CACNA2D1: variants seen among roughly 807,000 people sequenced by gnomAD.
CACNA2D1 encodes the protein voltage-dependent calcium channel subunit alpha-2/delta-1.
In CACNA2D1, 53 loss-of-function variants were observed where a neutral mutation model predicts 171.5. The observed-to-expected ratio is 0.31, with a 90% CI of 0.25 to 0.39. The LOEUF is 0.39. Among genes scored for constraint, CACNA2D1 ranks in the 10% least tolerant of loss-of-function variants. The probability of loss-of-function intolerance (pLI) is 1.00; values close to 1 mark genes in which losing one functional copy is unlikely to be tolerated. For missense variants in CACNA2D1, 903 were observed against 1,299.8 expected, an observed-to-expected ratio of 0.69 and a Z score of 4.69; for synonymous variants, 442 against 443.1, an observed-to-expected ratio of 1.00 and a Z score of 0.03.
chr7:82,107,935 T>A (rs987683130), intron 6 of CACNA2D1, among the ~76,000 whole-genome samples: 1 of 152,152 alleles, frequency 6.6e-6, no homozygotes, highest in African/African-American at 2.4e-5. Flanking sequence ...TGTCTAAAGG[T>A]AATCTAGATC....
chr7:82,219,947 T>C (rs1801566773), intron 3 of CACNA2D1, among the ~76,000 whole-genome samples: 1 of 152,178 alleles, frequency 6.6e-6, no homozygotes, highest in Non-Finnish European at 1.5e-5. Flanking sequence ...AGAATCTTTA[T>C]AAAATTATTA....
intron 1 of CACNA2D1, among the ~76,000 whole-genome samples, chr7:82,403,614 G>T (rs1172050928): frequency 6.6e-6 from 1 of 152,150 alleles, no homozygotes; most frequent in Non-Finnish European, 1.5e-5. Flanking sequence ...CTGAACAATA[G>T]TGCTAGGCAT....
chr7:82,375,634 A>AT (rs944669479), intron 1 of CACNA2D1, among the ~76,000 whole-genome samples: 8 of 152,212 alleles, frequency 5.3e-5, no homozygotes, highest in East Asian at 3.9e-4. Flanking sequence ...ACAATTCTGT[A>AT]TTTTTTTATT....
At chr7:81,963,409 G>A (rs981043385) in intron 34 of CACNA2D1, among the ~76,000 whole-genome samples, 1 of 151,814 alleles carries the variant, frequency 6.6e-6, no homozygotes, top group African/African-American at 2.4e-5. Flanking sequence ...GATTCCAGAC[G>A]TAACAGGAGG....
chr7:82,354,797 A>C (rs1820236565), intron 1 of CACNA2D1, among the ~76,000 whole-genome samples: 1 of 152,130 alleles, frequency 6.6e-6, no homozygotes, highest in South Asian at 2.1e-4. Context: ...GAAAAAAGAC[A>C]TTCAGATGAA....
intron 6 of CACNA2D1, among the ~76,000 whole-genome samples, chr7:82,087,779 A>G (rs1341599827): frequency 5.3e-5 from 8 of 152,096 alleles, no homozygotes; most frequent in Admixed American, 5.2e-4. Context: ...CAAGATTACT[A>G]AAGTGCCCAA....
intron 6 of CACNA2D1, among the ~76,000 whole-genome samples, chr7:82,108,179 C>A (rs550357022): frequency 6.6e-6 from 1 of 152,118 alleles, no homozygotes; most frequent in Non-Finnish European, 1.5e-5. Flanking sequence ...CTGAAACATA[C>A]TTGTGAGAGG....
At chr7:82,423,892 G>T (rs1024841546) in intron 1 of CACNA2D1, among the ~76,000 whole-genome samples, 1 of 152,020 alleles carries the variant, frequency 6.6e-6, no homozygotes, top group African/African-American at 2.4e-5. Context: ...GCACAAACTG[G>T]GAGTGTTTAC....
At chr7:82,037,995 A>G (rs1197362193) in intron 11 of CACNA2D1, 82 bp downstream of exon 11, 2 of 1,345,030 alleles carry the variant, frequency 1.5e-6, no homozygotes, top group Non-Finnish European at 1.1e-6. Context: ...CTAATCCCAG[A>G]GAGTAGTAAC....
intron 3 of CACNA2D1, among the ~76,000 whole-genome samples, chr7:82,200,354 A>G (rs1799282724): frequency 6.6e-6 from 1 of 152,088 alleles, no homozygotes; most frequent in South Asian, 2.1e-4. Flanking sequence ...ATTGAAATAT[A>G]CCTGTGAATA....
intron 25 of CACNA2D1, among the ~76,000 whole-genome samples, chr7:81,972,585 T>C (rs1024441750): frequency 2.0e-5 from 3 of 151,882 alleles, no homozygotes; most frequent in African/African-American, 7.2e-5. Context: ...GAAGTGCATA[T>C]TAGCCCAAGT....
chr7:82,022,717 T>A (rs1801381051), intron 12 of CACNA2D1, among the ~76,000 whole-genome samples: 1 of 151,964 alleles, frequency 6.6e-6, no homozygotes, highest in Admixed American at 6.6e-5. Context: ...ATTTCTAGTT[T>A]GGATCTGAGA....
At chr7:82,136,742 A>G (rs1791668128) in intron 4 of CACNA2D1, 66 bp from the exon 5 acceptor site, 2 of 1,014,460 alleles carry the variant, frequency 2.0e-6, no homozygotes, top group Middle Eastern at 2.7e-4. Flanking sequence ...TACTGAATAC[A>G]TTTTATGCAT....
intron 3 of CACNA2D1, among the ~76,000 whole-genome samples, chr7:82,172,508 A>C (rs985281089): frequency 6.6e-6 from 1 of 151,704 alleles, no homozygotes; most frequent in African/African-American, 2.4e-5. Flanking sequence ...CCTGGAGTAC[A>C]GTGGTGCAAT....
chr7:82,426,675 T>C (rs2129458216), intron 1 of CACNA2D1, among the ~76,000 whole-genome samples: 2 of 152,298 alleles, frequency 1.3e-5, no homozygotes, highest in South Asian at 4.1e-4. Context: ...ACTAATATTG[T>C]CAAGGGAGAA....
At chr7:82,019,993 AAATAC>A (rs1382090758) in intron 12 of CACNA2D1, among the ~76,000 whole-genome samples, 1 of 152,220 alleles carries the variant, frequency 6.6e-6, no homozygotes, top group African/African-American at 2.4e-5. Flanking sequence ...CATAATTCAC[AAATAC>A]ATCAGAATCC....
intron 3 of CACNA2D1, among the ~76,000 whole-genome samples, chr7:82,198,519 T>A: frequency 6.6e-6 from 1 of 151,638 alleles, no homozygotes; most frequent in Non-Finnish European, 1.5e-5. Context: ...CCACATCACT[T>A]AATTCAGAAT....
In CACNA2D1 at chr7:82,013,187, A is replaced by T. The variant is rs551884210; in HGVS notation, c.1272+274T>A. On this transcript the variant is annotated intron_variant, in intron 14 of 38. Coordinates refer to ENST00000356860, the MANE Select transcript of CACNA2D1 (RefSeq NM_000722.4). Reference sequence around the variant, plus strand: ...TTCAAATTACATGAAATGTATTTTTAGAAAATTTGATTTTATTTATTTTCT... The same window carrying T: ...TTCAAATTACATGAAATGTATTTTTTGAAAATTTGATTTTATTTATTTTCT... 5.3e-5 allele frequency among the ~76,000 whole-genome samples: 8 copies of T among 152,090 alleles called. No individual in the cohort carries two copies. In the South Asian group the frequency reaches 1.4e-3, roughly 28 times the overall value.
At chr7:82,311,361 A>G (rs1814445737) in intron 3 of CACNA2D1, among the ~76,000 whole-genome samples, 2 of 151,978 alleles carry the variant, frequency 1.3e-5, no homozygotes, top group South Asian at 2.1e-4. Context: ...TAAAACTCCA[A>G]TACAAAAAAA....
Sources: allele counts gnomAD v4.1 joint callset (sites outside exome capture counted in the v4.1 genomes callset), GRCh38; gene constraint gnomAD v4.1.1; transcripts MANE v1.5; gene names NCBI Gene and HGNC (gene_info 2026-07-23, HGNC 2026-07-21).